Variants in POLR3B observed in about 807,000 individuals in gnomAD.
POLR3B encodes DNA-directed RNA polymerase III subunit RPC2.
In POLR3B, 96 loss-of-function variants were observed where a neutral mutation model predicts 147.4. That is an observed-to-expected ratio of 0.65 (90% confidence interval 0.55 to 0.77). The LOEUF (loss-of-function observed/expected upper bound fraction) is 0.77, where lower values mean the gene tolerates loss of function less well. Among genes scored for constraint, POLR3B ranks in the 30% least tolerant of loss-of-function variants. The probability of loss-of-function intolerance (pLI) is 0.00; values close to 1 mark genes in which losing one functional copy is unlikely to be tolerated. For synonymous variants in POLR3B, 461 were observed against 485.9 expected (o/e 0.95, Z 0.67); for missense variants, 1,036 against 1,413.5 (o/e 0.73, Z 4.28).
At chr12:106,363,051 C>G (rs1260115519) in intron 1 of POLR3B, among the ~76,000 whole-genome samples, 4 of 152,134 alleles carry the variant, frequency 2.6e-5, no homozygotes, top group African/African-American at 9.7e-5. Flanking sequence ...ACTCCTCGGT[C>G]TCCTTTGCTG....
At chr12:106,495,822 G>C in intron 23 of POLR3B, 1 of 646,174 alleles carries the variant, frequency 1.5e-6, no homozygotes, top group East Asian at 2.7e-5. Flanking sequence ...ACCATTGTGT[G>C]CTATGCCGGC....
chr12:106,476,088 C>A (rs1385702989), intron 23 of POLR3B, among the ~76,000 whole-genome samples: 106 of 145,660 alleles, frequency 7.3e-4, no homozygotes, highest in Middle Eastern at 3.4e-3. Flanking sequence ...TCAGCATTTG[C>A]TTGTCTGTAA....
intron 18 of POLR3B, among the ~76,000 whole-genome samples, chr12:106,441,732 C>T (rs1372121505): frequency 6.6e-6 from 1 of 152,080 alleles, no homozygotes; most frequent in African/African-American, 2.4e-5. Context: ...CTGTTATAAA[C>T]AACAGGTTAT....
At chr12:106,478,078 A>G (rs2038207372) in intron 23 of POLR3B, among the ~76,000 whole-genome samples, 1 of 151,230 alleles carries the variant, frequency 6.6e-6, no homozygotes, top group African/African-American at 2.4e-5. Flanking sequence ...GCTAATTTTT[A>G]GTATTCTTAG....
At chr12:106,401,301 A>G (rs2037063085) in intron 10 of POLR3B, among the ~76,000 whole-genome samples, 1 of 152,248 alleles carries the variant, frequency 6.6e-6, no homozygotes, top group Non-Finnish European at 1.5e-5. Flanking sequence ...GAATAGACCA[A>G]TAACAGGCTC....
chr12:106,423,499 A>G lies in POLR3B; in HGVS notation c.1102-3698A>G, dbSNP rs367597027. 1.1e-3 allele frequency among the ~76,000 whole-genome samples: 160 copies of G among 152,274 alleles called. 4 individuals carry two copies. The East Asian group carries it at 0.017, about 17-fold the overall frequency. On this transcript the variant is annotated intron_variant, in intron 12 of 27. Coordinates refer to ENST00000228347, the MANE Select transcript of POLR3B (RefSeq NM_018082.6). ...AGCGGTATAGTTTAGTCCAAGTCCA[A>G]AGGTCTGAGAGCCAGGGAGGTGATG...
intron 10 of POLR3B, among the ~76,000 whole-genome samples, chr12:106,397,821 T>G (rs1275655272): frequency 6.6e-6 from 1 of 152,204 alleles, no homozygotes; most frequent in African/African-American, 2.4e-5. Flanking sequence ...GTGTGGACAT[T>G]TTCATTTCTC....
intron 8 of POLR3B, among the ~76,000 whole-genome samples, chr12:106,379,558 T>C (rs2036731560): frequency 6.6e-6 from 1 of 152,236 alleles, no homozygotes; most frequent in Non-Finnish European, 1.5e-5. Flanking sequence ...CTAACACAGA[T>C]ACCAACAGAA....
intron 16 of POLR3B, among the ~76,000 whole-genome samples, chr12:106,435,231 G>A (rs1031077913): frequency 2.6e-5 from 4 of 151,514 alleles, no homozygotes; most frequent in Non-Finnish European, 5.9e-5. Context: ...AGGTTCAAGC[G>A]ATTCTCATGT....
At chr12:106,471,535 T>G (rs2038092970) in intron 23 of POLR3B, among the ~76,000 whole-genome samples, 1 of 151,920 alleles carries the variant, frequency 6.6e-6, no homozygotes, top group African/African-American at 2.4e-5. Context: ...AGAAATCCCC[T>G]GTCTTCTGCA....
In POLR3B at chr12:106,366,479, T is replaced by C. The variant is rs200767121; in HGVS notation, c.106-37T>C. The C allele has an allele frequency of 1.4e-4, 209 of 1,458,350 alleles. 1 individual carries two copies. The East Asian group carries it at 4.7e-3, about 33-fold the overall frequency. 90.3% of individuals were successfully genotyped at this position (1,458,350 alleles called of 1,614,324 possible). A position where few individuals can be genotyped will look rare whatever the true frequency, so the allele number is the denominator to read the frequency against. ...CATATCATCAGTACTCTTTGCACTT[T>C]TGCTAACCTGTTTACTTTCTCTTTC... On this transcript the variant is annotated intron_variant, in intron 2 of 27. Transcript: ENST00000228347.
chr12:106,427,732 A>G (rs570072336), intron 13 of POLR3B, among the ~76,000 whole-genome samples: 4 of 152,302 alleles, frequency 2.6e-5, no homozygotes, highest in African/African-American at 9.6e-5. Context: ...AAAGTGTTTC[A>G]TTTCACAGGA....
At chr12:106,366,797 A>G in intron 4 of POLR3B, 75 bp downstream of exon 4, 1 of 1,177,172 alleles carries the variant, frequency 8.5e-7, no homozygotes, top group South Asian at 1.2e-5. Context: ...GTTGCTATCA[A>G]AACTCTTTTA....
intron 12 of POLR3B, among the ~76,000 whole-genome samples, chr12:106,419,287 A>G (rs1325309700): frequency 6.6e-6 from 1 of 152,206 alleles, no homozygotes; most frequent in Non-Finnish European, 1.5e-5. Context: ...TAGTAAATTC[A>G]AATCCAAGAT....
At chr12:106,358,246 T>A (rs2036417651) in intron 1 of POLR3B, 1 of 1,359,422 alleles carries the variant, frequency 7.4e-7, no homozygotes, top group Non-Finnish European at 9.5e-7. Context: ...GGACTGACCC[T>A]CGCACTTACT....
At chr12:106,423,099 C>T (rs1463337498) in intron 12 of POLR3B, among the ~76,000 whole-genome samples, 1 of 151,986 alleles carries the variant, frequency 6.6e-6, no homozygotes, top group African/African-American at 2.4e-5. Flanking sequence ...CAAAAATATA[C>T]AAAAATAGAA....
intron 6 of POLR3B, among the ~76,000 whole-genome samples, chr12:106,374,273 A>G (rs981930371): frequency 1.5e-4 from 23 of 152,132 alleles, no homozygotes; most frequent in African/African-American, 4.1e-4. Flanking sequence ...CCAGAGTGCA[A>G]TGGTACACTC....
At chr12:106,434,362 G>A (rs1211397141) in intron 16 of POLR3B, among the ~76,000 whole-genome samples, 2 of 152,130 alleles carry the variant, frequency 1.3e-5, no homozygotes, top group Non-Finnish European at 1.5e-5. Flanking sequence ...ACTATAGTCT[G>A]TTGCTACAAA....
chr12:106,411,115 T>C (rs1263543715), intron 12 of POLR3B, among the ~76,000 whole-genome samples, 155 bp downstream of exon 12: 2 of 152,198 alleles, frequency 1.3e-5, no homozygotes, highest in Non-Finnish European at 2.9e-5. Flanking sequence ...AGAATTCCTT[T>C]AACTATAAAA....
Sources: gnomAD v4.1 joint callset for allele counts (sites outside exome capture counted in the v4.1 genomes callset) on GRCh38, gnomAD v4.1.1 for gene constraint, MANE v1.5 for transcripts, NCBI Gene and HGNC (gene_info 2026-07-23, HGNC 2026-07-21) for gene names.